Variants in SELENOI observed in about 807,000 individuals in gnomAD.
The protein encoded by SELENOI is ethanolaminephosphotransferase 1.
A neutral mutation model predicts 50.7 loss-of-function variants in SELENOI; 24 were observed. That is an observed-to-expected ratio of 0.47 (90% confidence interval 0.34 to 0.67). SELENOI has a LOEUF of 0.67. Ranked by LOEUF, SELENOI falls within the 30% of genes least tolerant of loss-of-function variation. The probability of loss-of-function intolerance (pLI) is 0.01; values close to 1 mark genes in which losing one functional copy is unlikely to be tolerated. For missense variants in SELENOI, 352 were observed against 461.4 expected (o/e 0.76, Z 2.17); for synonymous variants, 155 against 170.2 (o/e 0.91, Z 0.70).
rs928144069 is a variant in SELENOI at position 26,389,125 on chromosome 2, G to A, written c.*22G>A. On this transcript the variant is annotated 3_prime_UTR_variant, in exon 10 of 10. Coordinates refer to ENST00000260585, the MANE Select transcript of SELENOI (RefSeq NM_033505.4). ...GTAATAATCTTTCTTTGGGCACAAA[G>A]AAGTACTGTAAATAAATGCTTGTAA... The A allele has an allele frequency of 4.0e-6, 6 of 1,499,262 alleles. No homozygotes were observed. Among genetic ancestry groups the A allele is most frequent in the Admixed American group, 1.9e-5 (1 of 51,394 alleles). 92.9% of individuals were successfully genotyped at this position (1,499,262 alleles called of 1,614,324 possible). A position where few individuals can be genotyped will look rare whatever the true frequency, so the allele number is the denominator to read the frequency against.
intron 8 of SELENOI, among the ~76,000 whole-genome samples, chr2:26,385,623 T>C (rs890328249): frequency 6.6e-6 from 1 of 152,222 alleles, no homozygotes; most frequent in African/African-American, 2.4e-5. Context: ...CTTTCCATGC[T>C]GGACTGTGCA....
chr2:26,348,814 T>TA lies in SELENOI; in HGVS notation c.57+2537dup, dbSNP rs35849622. Among the ~76,000 whole-genome samples the TA allele has an allele frequency of 2.3e-3, 327 of 142,444 alleles. 2 individuals carry two copies. The highest frequency in any genetic ancestry group is 5.5e-3 in the African/African-American group (215 of 39,190). The allele number at this position is 142,444 out of a possible 152,430, so 93.4% of individuals were successfully genotyped here. On this transcript the variant is annotated intron_variant, in intron 1 of 9. Transcript: ENST00000260585. Reference sequence around the variant, plus strand: ...GAATCAACCATTTTGGAAGTATGGTTAAAAAAAAAAAAGGAGCTCTATGTC... The same window carrying TA: ...GAATCAACCATTTTGGAAGTATGGTTAAAAAAAAAAAAAGGAGCTCTATGTC...
intron 4 of SELENOI, among the ~76,000 whole-genome samples, 171 bp downstream of exon 4, chr2:26,367,391 A>C (rs1003505795): frequency 6.6e-6 from 1 of 152,360 alleles, no homozygotes; most frequent in East Asian, 1.9e-4. Flanking sequence ...AAATTTTGTC[A>C]TTCATTGCCA....
chr2:26,381,771 T>A (rs1677710341), intron 6 of SELENOI, among the ~76,000 whole-genome samples: 1 of 152,236 alleles, frequency 6.6e-6, no homozygotes, highest in African/African-American at 2.4e-5. Flanking sequence ...GGCTTGGAAG[T>A]AGCAGAGTAA....
chr2:26,354,560 G>GT (rs35225513), intron 1 of SELENOI, among the ~76,000 whole-genome samples: 4,363 of 141,638 alleles, frequency 0.031, 70 homozygotes, highest in Middle Eastern at 0.047. Flanking sequence ...CTAATTTTTT[G>GT]TTTTTTTTTT....
intron 1 of SELENOI, among the ~76,000 whole-genome samples, chr2:26,352,076 G>A (rs1276347876): frequency 2.0e-5 from 3 of 152,138 alleles, no homozygotes; most frequent in Non-Finnish European, 4.4e-5. Flanking sequence ...GGAAGTCAAG[G>A]CTGCAGTGAG....
intron 1 of SELENOI, among the ~76,000 whole-genome samples, chr2:26,348,530 G>T (rs778342964): frequency 4.6e-5 from 7 of 152,188 alleles, no homozygotes; most frequent in African/African-American, 1.7e-4. Flanking sequence ...ATTGATTTTT[G>T]GTATGGAAGA....
At chr2:26,360,284 G>A (rs975505183) in intron 1 of SELENOI, among the ~76,000 whole-genome samples, 1 of 152,172 alleles carries the variant, frequency 6.6e-6, no homozygotes, top group South Asian at 2.1e-4. Flanking sequence ...TGTGTAAGGC[G>A]AGAGCACAGA....
Position 26,389,101 on chromosome 2 carries a change from T to A in SELENOI, c.1192T>A (p.Ter398LysextTer?). The change falls in exon 10 of 10, where the codon TAA (stop) becomes AAA (lysine). Residue 398 changes from the stop codon to lysine (K), a stop_lost. Transcript: ENST00000260585. ...AATGGAAGAAAAGAATATTGGCCTG[T>A]AATAATCTTTCTTTGGGCACAAAGA... The part of the protein sequence containing the change: ...LGMEEKNIGL[*>K] 1 of 1,561,554 alleles carries A rather than the reference T, an allele frequency of 6.4e-7. No homozygotes were observed. Among genetic ancestry groups the A allele is most frequent in the Non-Finnish European group, 8.7e-7 (1 of 1,149,282 alleles).
In SELENOI at chr2:26,364,866, C is replaced by T. The variant is rs1376031834; in HGVS notation, c.161C>T (p.Thr54Ile). The change falls in exon 3 of 10, where the codon ACT becomes ATT. Residue 54 changes from threonine (T) to isoleucine (I), a missense_variant. Transcript: ENST00000260585. ...ACTTGGCTGGCGCCCAATCTGATAA[C>T]TTTTTCTGGCTTTCTGCTGGTCGTA... ...FPTWLAPNLI[T>I]FSGFLLVVFN... 6.2e-7 allele frequency: 1 copy of T among 1,609,964 alleles called. No homozygotes were observed. The highest frequency in any genetic ancestry group is 8.5e-7 in the Non-Finnish European group (1 of 1,178,340).
At chr2:26,370,497 C>T (rs1677394802) in intron 4 of SELENOI, among the ~76,000 whole-genome samples, 1 of 149,150 alleles carries the variant, frequency 6.7e-6, no homozygotes, top group African/African-American at 2.5e-5. Context: ...GCTGACCCCC[C>T]CACCTCCCTC....
intron 1 of SELENOI, among the ~76,000 whole-genome samples, chr2:26,353,170 T>C (rs1003174048): frequency 6.6e-6 from 1 of 152,150 alleles, no homozygotes; most frequent in Non-Finnish European, 1.5e-5. Flanking sequence ...TGGTAGTCAC[T>C]GAGGCAGGGT....
intron 6 of SELENOI, 107 bp from the exon 7 acceptor site, chr2:26,383,192 T>G: frequency 1.5e-6 from 1 of 657,276 alleles, no homozygotes; most frequent in African/African-American, 1.9e-5. Flanking sequence ...CAAGTAAACT[T>G]GAACCTGAAA....
chr2:26,375,842 C>T (rs543469800), intron 6 of SELENOI, among the ~76,000 whole-genome samples: 33 of 152,244 alleles, frequency 2.2e-4, no homozygotes, highest in Admixed American at 3.9e-4. Flanking sequence ...CACAGTGGCT[C>T]ATGCCTGTAA....
intron 9 of SELENOI, among the ~76,000 whole-genome samples, 184 bp from the exon 10 acceptor site, chr2:26,388,817 TGTTA>T (rs1677902162): frequency 6.6e-6 from 1 of 152,244 alleles, no homozygotes. Context: ...AACTTTCCCA[TGTTA>T]GTTCTAGTAC....
In SELENOI at chr2:26,364,390, T is replaced by C; in HGVS notation, c.126+20T>C. The C allele has an allele frequency of 6.8e-7, 1 of 1,460,028 alleles. No homozygotes were observed. Among genetic ancestry groups the C allele is most frequent in the South Asian group, 1.2e-5 (1 of 81,064 alleles). The allele number at this position is 1,460,028 out of a possible 1,614,324, so 90.4% of individuals were successfully genotyped here. On this transcript the variant is annotated intron_variant, in intron 2 of 9. Transcript: ENST00000260585. ...GTAAAGGTAAGATAATTAATATGTA[T>C]GTACTTTTTGTTTTAGTAAGTTTTA...
intron 3 of SELENOI, 84 bp from the exon 4 acceptor site, chr2:26,367,062 C>T (rs1156396714): frequency 1.4e-5 from 16 of 1,117,284 alleles, no homozygotes; most frequent in African/African-American, 3.2e-5. Flanking sequence ...GAACAAATAG[C>T]GACACTTCTC....
At chr2:26,375,672 G>A (rs978899009) in intron 6 of SELENOI, among the ~76,000 whole-genome samples, 3 of 152,194 alleles carry the variant, frequency 2.0e-5, no homozygotes, top group Non-Finnish European at 4.4e-5. Flanking sequence ...ATGATTGACT[G>A]AGTGGAGAGG....
At chr2:26,370,870 A>T (rs1309334635) in intron 4 of SELENOI, among the ~76,000 whole-genome samples, 20 of 58,746 alleles carry the variant, frequency 3.4e-4, no homozygotes, top group South Asian at 1.3e-3. Flanking sequence ...GCGGCTGGCC[A>T]GGCGGGGGGC....
Sources: gnomAD v4.1 joint callset for allele counts (sites outside exome capture counted in the v4.1 genomes callset) on GRCh38, gnomAD v4.1.1 for gene constraint, MANE v1.5 for transcripts, NCBI Gene and HGNC (gene_info 2026-07-23, HGNC 2026-07-21) for gene names.